Variants in EHBP1 observed in about 807,000 individuals in gnomAD.
The protein encoded by EHBP1 is EH domain binding protein 1, also known as EH domain-binding protein 1.
A neutral mutation model predicts 144.0 loss-of-function variants in EHBP1; 55 were observed. That is an observed-to-expected ratio of 0.38 (90% confidence interval 0.31 to 0.48). The LOEUF is 0.48. Among genes scored for constraint, EHBP1 ranks in the 20% least tolerant of loss-of-function variants. The pLI is 0.98. For synonymous variants in EHBP1, 469 were observed against 472.7 expected (o/e 0.99, Z 0.10); for missense variants, 1,200 against 1,364.2 (o/e 0.88, Z 1.90).
rs1354595550 is a variant in EHBP1 at position 62,996,537 on chromosome 2, C to CG, written c.2980-104dup. 1.1e-5 allele frequency: 15 copies of CG among 1,381,632 alleles called. No homozygotes were observed. The East Asian group carries it at 3.1e-4, about 28-fold the overall frequency. The allele number at this position is 1,381,632 out of a possible 1,614,324, so 85.6% of individuals were successfully genotyped here. ...TTTTTGGTACTAAGGGTGATACTAA[C>CG]GGTGTATTTGGTTCTCTAGGTAAGT... On this transcript the variant is annotated intron_variant, in intron 18 of 22. Transcript: ENST00000431489.
At chr2:62,704,069 A>G (rs113671679), upstream of EHBP1, among the ~76,000 whole-genome samples, 237 of 152,380 alleles carry the variant, frequency 1.6e-3, 2 homozygotes, top group African/African-American at 5.1e-3. Context: ...GATGCAGAAT[A>G]TATTATTATA....
At chr2:63,006,726 A>G (rs2153232046) in intron 19 of EHBP1, among the ~76,000 whole-genome samples, 1 of 152,008 alleles carries the variant, frequency 6.6e-6, no homozygotes, top group Admixed American at 6.6e-5. Flanking sequence ...AAAGATCATA[A>G]TAGAATACGT....
chr2:62,871,217 A>T (rs2050453215), intron 9 of EHBP1, among the ~76,000 whole-genome samples: 1 of 152,214 alleles, frequency 6.6e-6, no homozygotes, highest in Admixed American at 6.5e-5. Context: ...TACACAACAC[A>T]CTCACACCTG....
At chr2:62,994,637 T>C (rs2059560945) in intron 18 of EHBP1, among the ~76,000 whole-genome samples, 1 of 152,140 alleles carries the variant, frequency 6.6e-6, no homozygotes, top group Non-Finnish European at 1.5e-5. Context: ...AGCATAGCTC[T>C]CTTTAATAGT....
Position 62,863,835 on chromosome 2 carries a change from G to GTT in EHBP1, c.758-895_758-894insTT, listed in dbSNP as rs1558815445. Among the ~76,000 whole-genome samples, 8 of 87,602 alleles carry GTT rather than the reference G, an allele frequency of 9.1e-5. 1 individual carries two copies. Among genetic ancestry groups the GTT allele is most frequent in the South Asian group, 3.7e-4 (1 of 2,674 alleles). The allele number at this position is 87,602 out of a possible 152,430, so 57.5% of individuals were successfully genotyped here. ...TTATTTTTTTAAATTTTATTTTTCT[G>GTT]TGTTGTTTTTTTTTTTTTTTTTTTT... On this transcript the variant is annotated intron_variant, in intron 8 of 22. Coordinates refer to ENST00000431489, the MANE Select transcript of EHBP1 (RefSeq NM_001142616.3).
intron 10 of EHBP1, among the ~76,000 whole-genome samples, chr2:62,914,353 TATATGTAAAG>T (rs757874611): frequency 1.6e-4 from 24 of 152,092 alleles, no homozygotes; most frequent in Non-Finnish European, 1.2e-4. Context: ...ACACTACCAA[TATATGTAAAG>T]ATTCTTGGGG....
At chr2:62,891,602 C>T (rs948503281) in intron 10 of EHBP1, among the ~76,000 whole-genome samples, 8 of 152,002 alleles carry the variant, frequency 5.3e-5, no homozygotes, top group Non-Finnish European at 7.4e-5. Flanking sequence ...GGCTTATATA[C>T]AGAGAGTCAG....
intron 19 of EHBP1, among the ~76,000 whole-genome samples, chr2:63,031,378 G>A (rs564841329): frequency 1.3e-5 from 2 of 152,282 alleles, no homozygotes; most frequent in East Asian, 3.9e-4. Flanking sequence ...TCTCCAAGAA[G>A]ACTACTGTCT....
chr2:62,874,274 A>G, intron 9 of EHBP1, 72 bp from the exon 10 acceptor site: 1 of 1,218,248 alleles, frequency 8.2e-7, no homozygotes, highest in Non-Finnish European at 1.1e-6. Flanking sequence ...TTTTCAGTGC[A>G]TGTTTTATTA....
chr2:62,886,712 C>G (rs2051961740), intron 10 of EHBP1, among the ~76,000 whole-genome samples: 1 of 152,112 alleles, frequency 6.6e-6, no homozygotes, highest in African/African-American at 2.4e-5. Context: ...CTGCTTTTAC[C>G]TTTTTAATGA....
chr2:62,769,168 G>T (rs75624524), intron 4 of EHBP1, among the ~76,000 whole-genome samples: 6 of 152,136 alleles, frequency 3.9e-5, no homozygotes, highest in African/African-American at 9.7e-5. Context: ...GAGCAATCAG[G>T]CAAGAGAAAG....
intron 19 of EHBP1, among the ~76,000 whole-genome samples, chr2:63,013,815 G>A (rs913487523): frequency 6.6e-6 from 1 of 152,154 alleles, no homozygotes. Context: ...AGGGGGTTGG[G>A]TATGAACTTT....
At chr2:62,777,910 GA>G (rs2042156227) in intron 5 of EHBP1, among the ~76,000 whole-genome samples, 1 of 152,100 alleles carries the variant, frequency 6.6e-6, no homozygotes, top group Non-Finnish European at 1.5e-5. Context: ...ACTGAAAGAG[GA>G]AAAACAAAAC....
chr2:62,874,919 C>T (rs2050762174), intron 10 of EHBP1, among the ~76,000 whole-genome samples: 1 of 152,134 alleles, frequency 6.6e-6, no homozygotes, highest in South Asian at 2.1e-4. Flanking sequence ...GCACACAGAC[C>T]TCACCACCCT....
chr2:62,773,805 C>T (rs540504022), intron 5 of EHBP1, among the ~76,000 whole-genome samples: 263 of 124,600 alleles, frequency 2.1e-3, no homozygotes, highest in Non-Finnish European at 1.8e-3. Flanking sequence ...GAGCCGAGAT[C>T]GCGCCACTGC....
intron 1 of EHBP1, among the ~76,000 whole-genome samples, chr2:62,696,574 C>T (rs184193210): frequency 7.0e-3 from 872 of 124,056 alleles, no homozygotes; most frequent in Middle Eastern, 0.022. Flanking sequence ...AGTGCAGTGG[C>T]GCTATCTCTG....
intron 10 of EHBP1, among the ~76,000 whole-genome samples, chr2:62,939,420 C>T (rs941044261): frequency 1.5e-4 from 23 of 152,028 alleles, no homozygotes; most frequent in Admixed American, 2.6e-4. Flanking sequence ...ACTACAGGCA[C>T]GCATCACCAT....
At chr2:62,858,515 A>G (rs202195173) in intron 7 of EHBP1, 2 of 1,593,486 alleles carry the variant, frequency 1.3e-6, no homozygotes, top group African/African-American at 1.3e-5. Context: ...CTGAAGGTCT[A>G]AGAGCTTTCC....
At chr2:62,830,718 G>C (rs1194306680) in intron 6 of EHBP1, among the ~76,000 whole-genome samples, 1 of 152,114 alleles carries the variant, frequency 6.6e-6, no homozygotes, top group Non-Finnish European at 1.5e-5. Flanking sequence ...CTTTGCCGAA[G>C]CCAATGTCTA....
Sources: allele counts gnomAD v4.1 joint callset (sites outside exome capture counted in the v4.1 genomes callset), GRCh38; gene constraint gnomAD v4.1.1; transcripts MANE v1.5; gene names NCBI Gene and HGNC (gene_info 2026-07-23, HGNC 2026-07-21).